CHL1: variants seen among roughly 807,000 people sequenced by gnomAD.
CHL1 encodes neural cell adhesion molecule L1-like protein.
Under a neutral mutation model 141.9 loss-of-function variants are expected in CHL1, and 96 were observed. The ratio of observed to expected loss-of-function variants is 0.68; its 90% confidence interval spans 0.57 to 0.80. The LOEUF (loss-of-function observed/expected upper bound fraction) is 0.80, where lower values mean the gene tolerates loss of function less well. Ranked by LOEUF, CHL1 falls within the 30% of genes least tolerant of loss-of-function variation. The pLI is 0.00. For synonymous variants in CHL1, 613 were observed against 502.2 expected (o/e 1.22, Z -2.95); for missense variants, 1,820 against 1,457.2 (o/e 1.25, Z -4.05).
intron 1 of CHL1, among the ~76,000 whole-genome samples, chr3:238,819 G>C (rs1692252613): frequency 6.6e-6 from 1 of 151,668 alleles, no homozygotes; most frequent in Non-Finnish European, 1.5e-5. Context: ...TGTAATCCCA[G>C]CTACTCAGGA....
chr3:301,666 G>T (rs954928270), intron 2 of CHL1, among the ~76,000 whole-genome samples: 2 of 152,156 alleles, frequency 1.3e-5, no homozygotes, highest in Admixed American at 6.5e-5. Context: ...AAGAGATGCG[G>T]CATTGCCATA....
At chr3:207,594 A>T (rs1293061833) in intron 1 of CHL1, among the ~76,000 whole-genome samples, 2 of 152,178 alleles carry the variant, frequency 1.3e-5, no homozygotes, top group Non-Finnish European at 2.9e-5. Context: ...CAATTTTAAC[A>T]TCTATCACCT....
intron 15 of CHL1, among the ~76,000 whole-genome samples, chr3:367,236 A>T (rs1325821442): frequency 1.3e-5 from 2 of 152,254 alleles, no homozygotes; most frequent in African/African-American, 2.4e-5. Flanking sequence ...AAACTTAACC[A>T]TCTTGGAGCC....
At chr3:317,774 A>C (rs1187846824) in intron 2 of CHL1, among the ~76,000 whole-genome samples, 3 of 151,844 alleles carry the variant, frequency 2.0e-5, no homozygotes, top group African/African-American at 7.2e-5. Context: ...ACAAATACGT[A>C]GGACTCACCT....
Position 328,290 on chromosome 3 carries a change from C to T in CHL1, c.321C>T (p.Tyr107=), listed in dbSNP as rs1311854858. The change falls in exon 5 of 28, where the codon TAC becomes TAT. Residue 107 remains tyrosine (Y), a synonymous_variant. Transcript: ENST00000256509. The part of the protein sequence containing the change: ...EGHISHFQGK[Y]RCFASNKLGI... Reference sequence around the variant, plus strand: ...ACATATCTCACTTTCAAGGGAAATACCGCTGCTTTGCTTCAAATAAACTGG... The same window carrying T: ...ACATATCTCACTTTCAAGGGAAATATCGCTGCTTTGCTTCAAATAAACTGG... 2.5e-6 allele frequency: 4 copies of T among 1,612,186 alleles called. No homozygotes were observed. The highest frequency in any genetic ancestry group is 1.1e-5 in the South Asian group (1 of 90,934).
At chr3:261,069 T>G (rs1041801381) in intron 2 of CHL1, among the ~76,000 whole-genome samples, 7 of 152,164 alleles carry the variant, frequency 4.6e-5, no homozygotes, top group African/African-American at 1.7e-4. Flanking sequence ...ATAACATCAC[T>G]AGTCACTACT....
intron 2 of CHL1, among the ~76,000 whole-genome samples, chr3:245,340 A>C (rs1021815368): frequency 2.1e-4 from 32 of 152,308 alleles, no homozygotes; most frequent in African/African-American, 7.7e-4. Context: ...AGCTATTTTG[A>C]TGACCCATTT....
At chr3:242,423 C>A (rs9871112) in intron 1 of CHL1, among the ~76,000 whole-genome samples, 53,594 of 132,406 alleles carry the variant, frequency 0.4, 11,871 homozygotes, top group African/African-American at 0.57. Flanking sequence ...GGTGAAACCC[C>A]GTCTCTACTA....
chr3:272,004 TAG>T (rs1695674240), intron 2 of CHL1, among the ~76,000 whole-genome samples: 1 of 152,228 alleles, frequency 6.6e-6, no homozygotes, highest in South Asian at 2.1e-4. Context: ...AATCATATGG[TAG>T]ACATTTTCTG....
At chr3:391,366 A>G (rs1398751453) in intron 22 of CHL1, among the ~76,000 whole-genome samples, 1 of 152,140 alleles carries the variant, frequency 6.6e-6, no homozygotes, top group Non-Finnish European at 1.5e-5. Flanking sequence ...AAATACAAAA[A>G]TTAGCCAGAT....
rs138183982 is a variant in CHL1, at chr3:372,453, C to G, written c.1752-5365C>G. Among the ~76,000 whole-genome samples the G allele has an allele frequency of 2.0e-5, 3 of 152,208 alleles. No homozygotes were observed. The East Asian group carries it at 5.8e-4, about 29-fold the overall frequency. On this transcript the variant is annotated intron_variant, in intron 15 of 27. Coordinates refer to ENST00000256509, the MANE Select transcript of CHL1 (RefSeq NM_006614.4). ...AGTTCTCCTGCTGTGTTTTTCAGCT[C>G]CATCAGGTCATTTATATTCCTCTCT...
chr3:382,195 A>C lies in CHL1; in HGVS notation c.1893A>C (p.Pro631=), dbSNP rs760331888. 3.7e-6 allele frequency: 6 copies of C among 1,613,448 alleles called. No homozygotes were observed. Among genetic ancestry groups the C allele is most frequent in the Non-Finnish European group, 5.1e-6 (6 of 1,179,602 alleles). The change falls in exon 17 of 28, where the codon CCA becomes CCC. Residue 631 remains proline, a synonymous_variant. Coordinates refer to ENST00000256509, the MANE Select transcript of CHL1 (RefSeq NM_006614.4). ...QVTVLDVPDP[P]ENLHLSERQN... The stretch of plus-strand genomic sequence containing the variant: ...ATTAATTAGATGTTCCGGATCCACC[A>C]GAAAACCTTCACTTGTCTGAAAGAC...
intron 5 of CHL1, 36 bp from the exon 6 acceptor site, chr3:340,758 T>A: frequency 6.5e-7 from 1 of 1,530,386 alleles, no homozygotes; most frequent in South Asian, 1.2e-5. Flanking sequence ...CAAAGTTAAT[T>A]TTAAAATAAC....
At chr3:328,507 C>T (rs1701185623) in intron 5 of CHL1, 153 bp downstream of exon 5, 3 of 538,226 alleles carry the variant, frequency 5.6e-6, no homozygotes, top group African/African-American at 2.0e-5. Flanking sequence ...TCCTCCAGGT[C>T]TTGATACTTA....
chr3:326,995 T>C (rs1191212634), intron 4 of CHL1, among the ~76,000 whole-genome samples: 1 of 151,874 alleles, frequency 6.6e-6, no homozygotes, highest in Non-Finnish European at 1.5e-5. Flanking sequence ...TACAATGGAA[T>C]TAAGGATAAT....
At position 349,389 on chromosome 3, in the gene CHL1, T is replaced by C. The variant is rs758121027; in HGVS notation, c.879T>C (p.Ile293=). The change falls in exon 10 of 28, where the codon ATT becomes ATC. Residue 293 remains isoleucine (I), a synonymous_variant. Transcript: ENST00000256509. ...LPTPQVDWNK[I]GGDLPKGRET... Reference sequence around the variant, plus strand: ...CTCCACAGGTTGATTGGAACAAAATTGGTGGTGACTTACCAAAGGGGAGAG... The same window carrying C: ...CTCCACAGGTTGATTGGAACAAAATCGGTGGTGACTTACCAAAGGGGAGAG... 7.3e-5 allele frequency: 118 copies of C among 1,613,692 alleles called. No homozygotes were observed. Among genetic ancestry groups the C allele is most frequent in the African/African-American group, 1.2e-4 (9 of 74,916 alleles).
chr3:317,505 G>C (rs892120582), intron 2 of CHL1, among the ~76,000 whole-genome samples: 6 of 151,550 alleles, frequency 4.0e-5, no homozygotes, highest in African/African-American at 1.2e-4. Context: ...ACAAATAAAA[G>C]GCAACTCATA....
intron 5 of CHL1, among the ~76,000 whole-genome samples, chr3:328,908 G>A (rs897233832): frequency 2.0e-5 from 3 of 152,118 alleles, no homozygotes; most frequent in Admixed American, 2.0e-4. Context: ...TCCTACTCAT[G>A]TTTTGTTAGG....
intron 9 of CHL1, among the ~76,000 whole-genome samples, chr3:345,152 G>T (rs1233113646): frequency 6.6e-6 from 1 of 152,088 alleles, no homozygotes; most frequent in African/African-American, 2.4e-5. Flanking sequence ...GTGGATGGAG[G>T]GGATGATGAT....
Sources: gnomAD v4.1 joint callset for allele counts (sites outside exome capture counted in the v4.1 genomes callset) on GRCh38, gnomAD v4.1.1 for gene constraint, MANE v1.5 for transcripts, NCBI Gene and HGNC (gene_info 2026-07-23, HGNC 2026-07-21) for gene names.